The following KCND2 variants were observed in gnomAD, a reference collection of about 807,000 sequenced individuals.
KCND2 encodes the protein potassium voltage-gated channel subfamily D member 2, also known as A-type voltage-gated potassium channel KCND2.
In KCND2, 16 loss-of-function variants were observed where a neutral mutation model predicts 54.4. The observed-to-expected ratio is 0.29, with a 90% CI of 0.20 to 0.45. The LOEUF (loss-of-function observed/expected upper bound fraction) is 0.45, where lower values mean the gene tolerates loss of function less well. KCND2 is among the 20% of genes least tolerant of loss of function. The pLI is 1.00. For synonymous variants in KCND2, 317 were observed against 310.7 expected (o/e 1.02, Z -0.21); for missense variants, 486 against 824.2 (o/e 0.59, Z 5.02).
chr7:120,705,378 T>C (rs1355886833), intron 1 of KCND2, among the ~76,000 whole-genome samples: 2 of 152,188 alleles, frequency 1.3e-5, no homozygotes, highest in Non-Finnish European at 2.9e-5. Flanking sequence ...CTGTAGACAT[T>C]GACAGGCAAC....
At chr7:120,409,361 A>G (rs571394158) in intron 1 of KCND2, among the ~76,000 whole-genome samples, 1 of 152,128 alleles carries the variant, frequency 6.6e-6, no homozygotes, top group African/African-American at 2.4e-5. Flanking sequence ...CTATGGCTCT[A>G]TGAACATTGA....
chr7:120,674,774 G>A (rs1792037776), intron 1 of KCND2, among the ~76,000 whole-genome samples: 1 of 152,150 alleles, frequency 6.6e-6, no homozygotes, highest in Non-Finnish European at 1.5e-5. Flanking sequence ...ATAAGGCCAA[G>A]GTCCTCAAAC....
At chr7:120,660,652 A>G (rs545237885) in intron 1 of KCND2, among the ~76,000 whole-genome samples, 107 of 152,352 alleles carry the variant, frequency 7.0e-4, no homozygotes, top group African/African-American at 2.5e-3. Context: ...GCTTATGTAC[A>G]AAAGTATCAA....
At chr7:120,317,158 A>C (rs928806767) in intron 1 of KCND2, among the ~76,000 whole-genome samples, 1 of 152,080 alleles carries the variant, frequency 6.6e-6, no homozygotes, top group African/African-American at 2.4e-5. Flanking sequence ...ATTTTTATGA[A>C]TCATTTATAT....
chr7:120,596,775 A>G (rs1427201080), intron 1 of KCND2, among the ~76,000 whole-genome samples: 1 of 152,216 alleles, frequency 6.6e-6, no homozygotes, highest in Non-Finnish European at 1.5e-5. Flanking sequence ...AATCAGTAAG[A>G]TTCAGTGTCC....
At position 120,554,700 on chromosome 7, in the gene KCND2, G is replaced by A. The variant is rs771185886; in HGVS notation, c.1116-178203G>A. Among the ~76,000 whole-genome samples the A allele has an allele frequency of 9.3e-4, 142 of 152,116 alleles. 2 individuals are homozygous for A. The highest frequency in any genetic ancestry group is 1.1e-3 in the Non-Finnish European group (74 of 68,018). On this transcript the variant is annotated intron_variant, in intron 1 of 5. Coordinates refer to ENST00000331113, the MANE Select transcript of KCND2 (RefSeq NM_012281.3). The stretch of plus-strand genomic sequence containing the variant: ...TGGGATTACAGGCGTGAGCCACCGC[G>A]CCTGGCCGAGAATTTACATTTCTAA...
intron 1 of KCND2, among the ~76,000 whole-genome samples, chr7:120,295,393 G>C (rs200687704): frequency 4.4e-3 from 285 of 64,798 alleles, no homozygotes; most frequent in Non-Finnish European, 6.6e-3. Context: ...CACACACACA[G>C]ACACACACAC....
Position 120,444,990 on chromosome 7 carries a change from T to A in KCND2, c.1115+169243T>A, listed in dbSNP as rs1413409389. On this transcript the variant is annotated intron_variant, in intron 1 of 5. Coordinates refer to ENST00000331113, the MANE Select transcript of KCND2 (RefSeq NM_012281.3). The stretch of plus-strand genomic sequence containing the variant: ...TTTAATTTCAGGCAATTTAATTTTC[T>A]GCCCACTTCACAAAGAAATGTCAGG... 8.5e-5 allele frequency among the ~76,000 whole-genome samples: 13 copies of A among 152,300 alleles called. No individual in the cohort carries two copies. The East Asian group carries it at 2.5e-3, about 29-fold the overall frequency.
intron 1 of KCND2, among the ~76,000 whole-genome samples, chr7:120,546,788 A>G (rs1792047643): frequency 6.6e-6 from 1 of 152,028 alleles, no homozygotes. Context: ...GTAAAACACA[A>G]TATAGATTTT....
At chr7:120,648,645 A>G (rs1793470793) in intron 1 of KCND2, among the ~76,000 whole-genome samples, 1 of 152,228 alleles carries the variant, frequency 6.6e-6, no homozygotes, top group South Asian at 2.1e-4. Flanking sequence ...CATTGCCCAT[A>G]CATATTAATG....
intron 1 of KCND2, chr7:120,464,049 T>C (rs1352084844): frequency 1.0e-6 from 1 of 984,680 alleles, no homozygotes; most frequent in Non-Finnish European, 1.2e-6. Context: ...GTTGAGCCTT[T>C]TGCTTTCCAG....
intron 1 of KCND2, among the ~76,000 whole-genome samples, chr7:120,682,862 G>A (rs891694290): frequency 6.6e-6 from 1 of 152,072 alleles, no homozygotes; most frequent in African/African-American, 2.4e-5. Flanking sequence ...CCACATTTCT[G>A]CTCTGCCATT....
At chr7:120,622,190 A>G (rs1398231271) in intron 1 of KCND2, among the ~76,000 whole-genome samples, 1 of 152,158 alleles carries the variant, frequency 6.6e-6, no homozygotes, top group African/African-American at 2.4e-5. Context: ...GTTATGCGGG[A>G]TTTTAATCAA....
chr7:120,503,510 C>G (rs951014341), intron 1 of KCND2, among the ~76,000 whole-genome samples: 2 of 151,700 alleles, frequency 1.3e-5, no homozygotes, highest in African/African-American at 4.8e-5. Flanking sequence ...ATAAGTGTTC[C>G]AAACTTTCTG....
At chr7:120,510,686 A>T (rs1249444604) in intron 1 of KCND2, among the ~76,000 whole-genome samples, 3 of 152,016 alleles carry the variant, frequency 2.0e-5, no homozygotes, top group Non-Finnish European at 4.4e-5. Flanking sequence ...CACATTCAAA[A>T]CTATTTGACT....
At chr7:120,459,148 C>A (rs757598686) in intron 1 of KCND2, among the ~76,000 whole-genome samples, 1 of 152,064 alleles carries the variant, frequency 6.6e-6, no homozygotes, top group African/African-American at 2.4e-5. Context: ...GCCTATCAGG[C>A]ACTACAAAAT....
Position 120,585,315 on chromosome 7 carries a change from G to A in KCND2, c.1116-147588G>A, listed in dbSNP as rs538158156. Reference sequence around the variant, plus strand: ...GAGGCAGAGAAACAGAAGGGGATGGGGGGTGGAGTGTGGGACAGGAGATAG... The same window carrying A: ...GAGGCAGAGAAACAGAAGGGGATGGAGGGTGGAGTGTGGGACAGGAGATAG... On this transcript the variant is annotated intron_variant, in intron 1 of 5. Transcript: ENST00000331113. 2.6e-5 allele frequency among the ~76,000 whole-genome samples: 4 copies of A among 152,208 alleles called. No homozygotes were observed. In the South Asian group the frequency reaches 8.3e-4, roughly 32 times the overall value.
At chr7:120,619,310 G>T (rs1158587845) in intron 1 of KCND2, among the ~76,000 whole-genome samples, 8 of 152,146 alleles carry the variant, frequency 5.3e-5, no homozygotes. Flanking sequence ...TGCATCTGTA[G>T]TCCTAGCTAC....
chr7:120,400,366 A>G (rs1459080298), intron 1 of KCND2, among the ~76,000 whole-genome samples: 2 of 152,180 alleles, frequency 1.3e-5, no homozygotes, highest in Non-Finnish European at 2.9e-5. Flanking sequence ...CCATACTCCA[A>G]TAAAGCAAAG....
Sources: allele counts gnomAD v4.1 joint callset (sites outside exome capture counted in the v4.1 genomes callset), GRCh38; gene constraint gnomAD v4.1.1; transcripts MANE v1.5; gene names NCBI Gene and HGNC (gene_info 2026-07-23, HGNC 2026-07-21).